Variants in VPS13C observed in about 807,000 individuals in gnomAD.
VPS13C encodes vacuolar protein sorting 13 homolog C.
A neutral mutation model predicts 456.8 loss-of-function variants in VPS13C; 358 were observed. The observed-to-expected ratio is 0.78, with a 90% CI of 0.72 to 0.86. VPS13C has a LOEUF of 0.86. Ranked by LOEUF, VPS13C falls within the 40% of genes least tolerant of loss-of-function variation. VPS13C has a pLI of 0.00. For missense variants in VPS13C, 4,818 were observed against 4,385.4 expected (o/e 1.10, Z -2.79); for synonymous variants, 1,578 against 1,486.7 (o/e 1.06, Z -1.41).
intron 16 of VPS13C, among the ~76,000 whole-genome samples, chr15:61,994,682 C>T (rs754108344): frequency 3.9e-5 from 6 of 151,940 alleles, no homozygotes; most frequent in Non-Finnish European, 7.4e-5. Context: ...CTCCACCTCC[C>T]GGGTTCAAGC....
chr15:61,976,908 G>A (rs1486727370), intron 24 of VPS13C, among the ~76,000 whole-genome samples, 174 bp downstream of exon 24: 2 of 152,006 alleles, frequency 1.3e-5, no homozygotes, highest in African/African-American at 2.4e-5. Context: ...TGAAATAAGT[G>A]TTGATGTATA....
intron 45 of VPS13C, among the ~76,000 whole-genome samples, chr15:61,942,912 G>C (rs1169309105): frequency 2.0e-5 from 3 of 151,766 alleles, no homozygotes; most frequent in Non-Finnish European, 4.4e-5. Context: ...ATACAACTTT[G>C]GTAAAGTTTC....
chr15:61,980,890 T>C (rs1261133686), intron 22 of VPS13C, among the ~76,000 whole-genome samples: 1 of 152,174 alleles, frequency 6.6e-6, no homozygotes, highest in East Asian at 1.9e-4. Context: ...TTTGAAATTG[T>C]CACCTTTTAC....
At chr15:61,931,344 T>C in intron 49 of VPS13C, 85 bp from the exon 50 acceptor site, 1 of 1,342,902 alleles carries the variant, frequency 7.4e-7, no homozygotes, top group Admixed American at 2.8e-5. Flanking sequence ...ATTCAAAACT[T>C]AAAGGCAAAC....
intron 74 of VPS13C, 66 bp downstream of exon 74, chr15:61,878,541 G>A: frequency 6.4e-7 from 1 of 1,566,012 alleles, no homozygotes; most frequent in Non-Finnish European, 8.6e-7. Context: ...CAAGTGGAGA[G>A]AATTAATGTC....
chr15:61,982,284 C>T (rs2045911520), intron 21 of VPS13C, among the ~76,000 whole-genome samples, 175 bp downstream of exon 21: 1 of 152,184 alleles, frequency 6.6e-6, no homozygotes, highest in South Asian at 2.1e-4. Context: ...CTTTCTCACC[C>T]AGTCTATCAG....
At chr15:61,906,589 C>T (rs1486966631) in intron 66 of VPS13C, 1 of 152,268 alleles carries the variant, frequency 6.6e-6, no homozygotes, top group African/African-American at 2.4e-5. Context: ...GTCAAGAAAG[C>T]CTTTTAACAG....
intron 67 of VPS13C, among the ~76,000 whole-genome samples, chr15:61,888,049 G>A (rs941770204): frequency 5.3e-5 from 8 of 152,156 alleles, no homozygotes; most frequent in African/African-American, 1.9e-4. Flanking sequence ...TTGAACAGGT[G>A]GCTCAGGAAA....
intron 19 of VPS13C, 91 bp from the exon 20 acceptor site, chr15:61,984,103 T>A: frequency 8.1e-7 from 1 of 1,227,370 alleles, no homozygotes; most frequent in Non-Finnish European, 1.1e-6. Context: ...AAAACGTCTT[T>A]GAGAACCAGG....
intron 26 of VPS13C, among the ~76,000 whole-genome samples, chr15:61,973,090 A>G (rs2045603477): frequency 6.6e-6 from 1 of 152,208 alleles, no homozygotes; most frequent in South Asian, 2.1e-4. Flanking sequence ...TACCAGAATG[A>G]CCACGATAGA....
chr15:61,896,002 AAT>A (rs1458516377), intron 66 of VPS13C, among the ~76,000 whole-genome samples: 2 of 152,212 alleles, frequency 1.3e-5, no homozygotes, highest in Non-Finnish European at 2.9e-5. Context: ...TTGAGATATG[AAT>A]ATGTTAACTA....
chr15:61,855,087 A>G (rs977172949), intron 83 of VPS13C, 133 bp from the exon 84 acceptor site: 1 of 673,594 alleles, frequency 1.5e-6, no homozygotes, highest in African/African-American at 1.8e-5. Context: ...TATTCAAGTA[A>G]GATATGAAAT....
At chr15:62,005,681 C>A (rs959610050) in intron 15 of VPS13C, among the ~76,000 whole-genome samples, 36 of 151,022 alleles carry the variant, frequency 2.4e-4, no homozygotes, top group African/African-American at 8.5e-4. Context: ...ATGTTTAGTG[C>A]TTATTTTTTT....
chr15:62,009,760 T>C (rs1287177231), intron 13 of VPS13C, among the ~76,000 whole-genome samples: 5 of 152,114 alleles, frequency 3.3e-5, no homozygotes, highest in Admixed American at 2.0e-4. Context: ...ACCCCAACTC[T>C]CTGGGCATAT....
intron 16 of VPS13C, among the ~76,000 whole-genome samples, chr15:61,993,686 G>C (rs2046293048): frequency 6.6e-6 from 1 of 152,004 alleles, no homozygotes; most frequent in Non-Finnish European, 1.5e-5. Context: ...TTCAAACATA[G>C]AAAGGCTATG....
intron 1 of VPS13C, among the ~76,000 whole-genome samples, chr15:62,046,264 G>A (rs902161314): frequency 1.3e-5 from 2 of 152,112 alleles, no homozygotes; most frequent in Non-Finnish European, 2.9e-5. Context: ...GGTGAAAGAC[G>A]TAGAGTCATA....
Position 61,963,860 on chromosome 15 carries a change from G to T in VPS13C, c.3306C>A (p.Asn1102Lys), listed in dbSNP as rs187542459. The T allele has an allele frequency of 6.2e-7, 1 of 1,610,728 alleles. No homozygotes were observed. Among genetic ancestry groups the T allele is most frequent in the African/African-American group, 1.3e-5 (1 of 74,814 alleles). Residue 1102 changes from asparagine to lysine, a missense_variant, in exon 32 of 85, where the codon AAC becomes AAA. Coordinates refer to ENST00000644861, the MANE Select transcript of VPS13C (RefSeq NM_020821.3). ...AFCVIVCNEK[N>K]NIAEIKIQGL... ...CTTGAATCTTGATTTCGGCGATATTGTTCTTTTCGTTGCAAACAATGACAC... is the reference window on the plus strand; with the variant it reads ...CTTGAATCTTGATTTCGGCGATATTTTTCTTTTCGTTGCAAACAATGACAC...
Position 61,981,447 on chromosome 15 carries a change from G to A in VPS13C, c.2061C>T (p.Val687=), listed in dbSNP as rs2045883891. 6.2e-7 allele frequency: 1 copy of A among 1,610,250 alleles called. No homozygotes were observed. Among genetic ancestry groups the A allele is most frequent in the Non-Finnish European group, 8.5e-7 (1 of 1,178,706 alleles). Residue 687 remains valine (V), a synonymous_variant, in exon 22 of 85, where the codon GTC becomes GTT. Coordinates refer to ENST00000644861, the MANE Select transcript of VPS13C (RefSeq NM_020821.3). ...GLTHIIETRK[V]LDLRINLKPS... ...GCTTCAGATTTATCCTTAAATCAAGGACTTTTCGAGTTTCAATAATATGTG... is the reference window on the plus strand; with the variant it reads ...GCTTCAGATTTATCCTTAAATCAAGAACTTTTCGAGTTTCAATAATATGTG...
At chr15:61,982,437 T>C (rs774767411) in intron 21 of VPS13C, 22 bp downstream of exon 21, 3 of 1,579,536 alleles carry the variant, frequency 1.9e-6, no homozygotes, top group Non-Finnish European at 1.7e-6. Context: ...CTGATGCTTA[T>C]GTAGACACTC....
Sources: allele counts gnomAD v4.1 joint callset (sites outside exome capture counted in the v4.1 genomes callset), GRCh38; gene constraint gnomAD v4.1.1; transcripts MANE v1.5; gene names NCBI Gene and HGNC (gene_info 2026-07-23, HGNC 2026-07-21).